The following SLC30A3 variants were observed in gnomAD, a reference collection of about 807,000 sequenced individuals.
The protein encoded by SLC30A3 is solute carrier family 30 member 3, also known as probable proton-coupled zinc antiporter SLC30A3.
Under a neutral mutation model 35.6 loss-of-function variants are expected in SLC30A3, and 20 were observed. That is an observed-to-expected ratio of 0.56 (90% CI 0.39 to 0.82). The LOEUF (loss-of-function observed/expected upper bound fraction) is 0.82, where lower values mean the gene tolerates loss of function less well. Ranked by LOEUF, SLC30A3 falls within the 40% of genes least tolerant of loss-of-function variation. The pLI is 0.00. For synonymous variants in SLC30A3, 217 were observed against 224.7 expected, an observed-to-expected ratio of 0.97 and a Z score of 0.31; for missense variants, 401 against 530.6, an observed-to-expected ratio of 0.76 and a Z score of 2.40.
intron 7 of SLC30A3, 166 bp downstream of exon 7, chr2:27,256,220 A>T: frequency 1.3e-6 from 1 of 754,640 alleles, no homozygotes; most frequent in South Asian, 1.8e-5. Context: ...GCACGAGCGC[A>T]CGTGCATGTG....
Position 27,257,965 on chromosome 2 carries a change from T to C in SLC30A3, c.518A>G (p.Tyr173Cys). 1 of 1,614,090 alleles carries C rather than the reference T, an allele frequency of 6.2e-7. No individual in the cohort carries two copies. The highest frequency in any genetic ancestry group is 8.5e-7 in the Non-Finnish European group (1 of 1,179,978). ...LAFVRLLHSD[Y>C]HIEGGAMLLT... is the part of the protein sequence containing the mutation. ...CAGCATGGCACCCCCCTCGATGTGG[T>C]AGTCGCTGTGCAGCAGGCGGACGAA... Residue 173 changes from tyrosine to cysteine, a missense_variant, in exon 4 of 8, where the codon TAC becomes TGC. Tyr to Cys is a radical substitution (Grantham distance 194). This residue lies in a region of SLC30A3 where 296 missense variants were observed against 392.6 expected (regional missense o/e 0.75). Coordinates refer to ENST00000233535, the MANE Select transcript of SLC30A3 (RefSeq NM_003459.5). This position sits in a 1 kb window ranked among gnomAD's most constrained non-coding sequence, Gnocchi z 4.7.
Position 27,258,645 on chromosome 2 carries a change from C to A in SLC30A3, c.277+108G>T. The A allele has an allele frequency of 8.1e-7, 1 of 1,235,650 alleles. No individual in the cohort carries two copies. Among genetic ancestry groups the A allele is most frequent in the Admixed American group, 1.8e-5 (1 of 54,962 alleles). The allele number at this position is 1,235,650 out of a possible 1,614,324, so 76.5% of individuals were successfully genotyped here. On this transcript the variant is annotated intron_variant, in intron 2 of 7. Transcript: ENST00000233535. The surrounding 1 kb of genome is among the most constrained non-coding windows in gnomAD (Gnocchi z 4.0). The stretch of plus-strand genomic sequence containing the variant: ...GGGCACCCAGCTCCCCTATCCCAGC[C>A]ATCCCCATCTCTGCATCTGCACCCA...
At chr2:27,264,014 A>C (rs567341720), upstream of SLC30A3, 1 of 1,287,770 alleles carries the variant, frequency 7.8e-7, no homozygotes, top group African/African-American at 1.5e-5. The surrounding 1 kb of genome is among the most constrained non-coding windows in gnomAD (Gnocchi z 6.1). Flanking sequence ...ACTTACAGCA[A>C]AGTCGGTGGC....
rs919065062 is a variant in SLC30A3 at position 27,262,647 on chromosome 2, T to C, written c.95+165A>G. On this transcript the variant is annotated intron_variant, in intron 1 of 7. Coordinates refer to ENST00000233535, the MANE Select transcript of SLC30A3 (RefSeq NM_003459.5). This position sits in a 1 kb window ranked among gnomAD's most constrained non-coding sequence, Gnocchi z 7.5. ...GGAGGCGTAGCCGGCTGTGTAGGGC[T>C]GGGCGCTCCGTGTGGCCAGAGGGGA... Among the ~76,000 whole-genome samples the C allele has an allele frequency of 6.6e-6, 1 of 151,940 alleles. No individual in the cohort carries two copies. The highest frequency in any genetic ancestry group is 2.4e-5 in the African/African-American group (1 of 41,368).
At position 27,258,979 on chromosome 2, in the gene SLC30A3, G is replaced by A. The variant is rs760138320; in HGVS notation, c.96-45C>T. ...TCAACCTGGGCCTGGCCCACAGGCT[G>A]GCCTGCTCACTCCACGTCCTTAGTC... On this transcript the variant is annotated intron_variant, in intron 1 of 7. Coordinates refer to ENST00000233535, the MANE Select transcript of SLC30A3 (RefSeq NM_003459.5). The surrounding 1 kb of genome is among the most constrained non-coding windows in gnomAD (Gnocchi z 4.0). 1.1e-5 allele frequency: 16 copies of A among 1,492,926 alleles called. No individual in the cohort carries two copies. Among genetic ancestry groups the A allele is most frequent in the African/African-American group, 1.4e-5 (1 of 71,756 alleles). 92.5% of individuals were successfully genotyped at this position (1,492,926 alleles called of 1,614,324 possible).
rs1009205846 is a variant in SLC30A3, at chr2:27,271,835, C to T, written c.-159+3342G>A. On this transcript the variant is annotated intron_variant, in intron 1 of 5. Transcript: ENST00000424577. This position sits in a 1 kb window ranked among gnomAD's most constrained non-coding sequence, Gnocchi z 4.3. ...TGACATTCTATTCAGAGCAGAGCCTCGCAAGACTTACAGATAACGGCTATT... is the reference window on the plus strand; with the variant it reads ...TGACATTCTATTCAGAGCAGAGCCTTGCAAGACTTACAGATAACGGCTATT... Among the ~76,000 whole-genome samples the T allele has an allele frequency of 6.6e-6, 1 of 152,196 alleles. No individual in the cohort carries two copies. The highest frequency in any genetic ancestry group is 1.5e-5 in the Non-Finnish European group (1 of 68,036).
Position 27,258,921 on chromosome 2 carries a change from GCT to G in SLC30A3, c.107_108del (p.Glu36AlafsTer7), listed in dbSNP as rs762259412. 1 of 1,597,412 alleles carries G rather than the reference GCT, an allele frequency of 6.3e-7. No homozygotes were observed. The highest frequency in any genetic ancestry group is 1.7e-5 in the Admixed American group (1 of 57,770). On this transcript the variant is annotated frameshift_variant, in exon 2 of 8. Coordinates refer to ENST00000233535, the MANE Select transcript of SLC30A3 (RefSeq NM_003459.5). LOFTEE classifies it high-confidence loss of function. The surrounding 1 kb of genome is among the most constrained non-coding windows in gnomAD (Gnocchi z 4.0). ...GSLRLKSLFTEPSEPLPEESK... is the reference protein window; with the variant it reads ...GSLRLKSLFTXPSEPLPEESK... The stretch of plus-strand genomic sequence containing the variant: ...GACTCCTCAGGGAGGGGCTCTGAGG[GCT>G]CTGTGAAGAGACTGAGGCAAGCAAC...
At chr2:27,268,208 T>G (rs1677577031) in intron 1 of SLC30A3, among the ~76,000 whole-genome samples, 1 of 152,080 alleles carries the variant, frequency 6.6e-6, no homozygotes, top group African/African-American at 2.4e-5. Flanking sequence ...ACCCAGTAAA[T>G]ATTTGTTGAA....
chr2:27,273,119 G>GTGTGTGTT (rs1677803035), intron 1 of SLC30A3, among the ~76,000 whole-genome samples: 3 of 149,690 alleles, frequency 2.0e-5, no homozygotes, highest in Non-Finnish European at 4.4e-5. Flanking sequence ...GTGTGTGTGT[G>GTGTGTGTT]TGTATTTGCA....
rs1449212356 is a variant in SLC30A3, at chr2:27,255,155, G to A, written c.*157C>T. ...ACTTTGGTCTTGCCCACTGGGGCTG[G>A]GGCTGGGGCTGAGGCTGGGGAAACT... is the stretch of plus-strand genomic sequence containing the variant. On this transcript the variant is annotated 3_prime_UTR_variant, in exon 8 of 8. Coordinates refer to ENST00000233535, the MANE Select transcript of SLC30A3 (RefSeq NM_003459.5). The surrounding 1 kb of genome is among the most constrained non-coding windows in gnomAD (Gnocchi z 5.2). The A allele has an allele frequency of 2.5e-6, 4 of 1,577,212 alleles. No individual in the cohort carries two copies. In the South Asian group the frequency reaches 4.5e-5, roughly 18 times the overall value.
At chr2:27,274,483 T>C (rs977214755) in intron 1 of SLC30A3, among the ~76,000 whole-genome samples, 3 of 152,176 alleles carry the variant, frequency 2.0e-5, no homozygotes, top group African/African-American at 7.2e-5. Flanking sequence ...CAGGAGCCAT[T>C]GAGTGCTCTT....
rs979224960 is a variant in SLC30A3 at position 27,271,551 on chromosome 2, A to C, written c.-159+3626T>G. ...CACAGGTTTTTATAGAAGAGGAAAAATAGACTCAGAGATGAAATGATTTGT... is the reference window on the plus strand; with the variant it reads ...CACAGGTTTTTATAGAAGAGGAAAACTAGACTCAGAGATGAAATGATTTGT... On this transcript the variant is annotated intron_variant, in intron 1 of 5. Coordinates refer to the SLC30A3 transcript ENST00000424577. This position sits in a 1 kb window ranked among gnomAD's most constrained non-coding sequence, Gnocchi z 4.3. 6.6e-6 allele frequency among the ~76,000 whole-genome samples: 1 copy of C among 152,246 alleles called. No homozygotes were observed. The highest frequency in any genetic ancestry group is 1.5e-5 in the Non-Finnish European group (1 of 68,038).
Position 27,258,281 on chromosome 2 carries a change from T to C in SLC30A3, c.304A>G (p.Ile102Val), listed in dbSNP as rs549740333. 5.2e-6 allele frequency: 8 copies of C among 1,526,280 alleles called. No individual in the cohort carries two copies. The highest frequency in any genetic ancestry group is 1.8e-4 in the Middle Eastern group (1 of 5,644). The allele number at this position is 1,526,280 out of a possible 1,614,324, so 94.5% of individuals were successfully genotyped here. ...AGCAAGTGGGCTGCATCGGTCATGA[T>C]GGCCAGGCTGTGTGCCAGATACCCG... ...VGGYLAHSLA[I>V]MTDAAHLLAD... is the part of the protein sequence containing the mutation. Residue 102 changes from isoleucine (I) to valine (V), a missense_variant, in exon 3 of 8, where the codon ATC becomes GTC. Physicochemically the swap from Ile to Val is conservative, Grantham distance 29. This residue lies in a region of SLC30A3 where 296 missense variants were observed against 392.6 expected (regional missense o/e 0.75). Transcript: ENST00000233535. This position sits in a 1 kb window ranked among gnomAD's most constrained non-coding sequence, Gnocchi z 4.0.
chr2:27,263,262 A>C (rs905273816), upstream of SLC30A3: 4 of 482,148 alleles, frequency 8.3e-6, no homozygotes, highest in East Asian at 7.3e-5. Flanking sequence ...CCCGTCCCCC[A>C]GGCGAGCTAG....
In SLC30A3 at chr2:27,254,326, G is replaced by C. The variant is rs1280679210; in HGVS notation, c.*986C>G. On this transcript the variant is annotated 3_prime_UTR_variant, in exon 8 of 8. Coordinates refer to ENST00000233535, the MANE Select transcript of SLC30A3 (RefSeq NM_003459.5). The stretch of plus-strand genomic sequence containing the variant: ...GCTCCTTACCTTCCAGCATTCTCCT[G>C]CAACCAAGCCCAGGGCACATGGGAC... The C allele has an allele frequency of 2.0e-5, 3 of 152,266 alleles. No homozygotes were observed. Among genetic ancestry groups the C allele is most frequent in the African/African-American group, 7.2e-5 (3 of 41,436 alleles). The allele number at this position is 152,266 out of a possible 1,614,324, so 9.4% of individuals were successfully genotyped here. A position where few individuals can be genotyped will look rare whatever the true frequency, so the allele number is the denominator to read the frequency against.
intron 7 of SLC30A3, 140 bp downstream of exon 7, chr2:27,256,246 G>A: frequency 1.0e-6 from 1 of 952,546 alleles, no homozygotes; most frequent in Non-Finnish European, 1.6e-6. Flanking sequence ...GTGTGTATGT[G>A]TCTATGTGAG....
At position 27,257,942 on chromosome 2, in the gene SLC30A3, G is replaced by A. The variant is rs1356402964; in HGVS notation, c.541C>T (p.Leu181=). ...CAGACTGCGATGCTGGCGGTCAGCA[G>A]CATGGCACCCCCCTCGATGTGGTAG... ...SDYHIEGGAM[L]LTASIAVCAN... is the part of the protein sequence containing the mutation. The change falls in exon 4 of 8, where the codon CTG becomes TTG. Residue 181 remains leucine, a synonymous_variant. Transcript: ENST00000233535. This position sits in a 1 kb window ranked among gnomAD's most constrained non-coding sequence, Gnocchi z 4.7. 6.2e-7 allele frequency: 1 copy of A among 1,614,170 alleles called. No homozygotes were observed. Among genetic ancestry groups the A allele is most frequent in the South Asian group, 1.1e-5 (1 of 91,082 alleles).
intron 1 of SLC30A3, among the ~76,000 whole-genome samples, chr2:27,274,617 ATCC>A (rs1677911289): frequency 6.6e-6 from 1 of 152,056 alleles, no homozygotes; most frequent in African/African-American, 2.4e-5. Context: ...GGGGATACAA[ATCC>A]TCCTTCTGCT....
At chr2:27,268,320 G>C (rs1677582469) in intron 1 of SLC30A3, among the ~76,000 whole-genome samples, 1 of 152,212 alleles carries the variant, frequency 6.6e-6, no homozygotes, top group African/African-American at 2.4e-5. Flanking sequence ...GCATATATCA[G>C]TGCTTGGTTG....
Sources: allele counts gnomAD v4.1 joint callset (sites outside exome capture counted in the v4.1 genomes callset), GRCh38; gene constraint gnomAD v4.1.1; regional missense constraint gnomAD v4.1.1; non-coding constraint Gnocchi (gnomAD v3.1); transcripts MANE v1.5; gene names NCBI Gene and HGNC (gene_info 2026-07-23, HGNC 2026-07-21).